Variants in ALOX5 observed in about 807,000 individuals in gnomAD.
The protein encoded by ALOX5 is polyunsaturated fatty acid 5-lipoxygenase.
In ALOX5, 64 loss-of-function variants were observed where a neutral mutation model predicts 87.9. The ratio of observed to expected loss-of-function variants is 0.73; its 90% CI spans 0.60 to 0.90. The LOEUF (loss-of-function observed/expected upper bound fraction) is 0.90, where lower values mean the gene tolerates loss of function less well. ALOX5 is among the 40% of genes least tolerant of loss of function. The pLI is 0.00. For synonymous variants in ALOX5, 388 were observed against 355.1 expected, an observed-to-expected ratio of 1.09 and a Z score of -1.04; for missense variants, 822 against 907.5, an observed-to-expected ratio of 0.91 and a Z score of 1.21.
At chr10:45,391,566 G>T (rs566974766) in intron 2 of ALOX5, among the ~76,000 whole-genome samples, 1 of 151,956 alleles carries the variant, frequency 6.6e-6, no homozygotes, top group Non-Finnish European at 1.5e-5. Flanking sequence ...CGTCTGGGAT[G>T]TAAGGAGCCC....
chr10:45,394,904 A>T (rs1840442143), intron 2 of ALOX5, among the ~76,000 whole-genome samples: 1 of 152,250 alleles, frequency 6.6e-6, no homozygotes, highest in South Asian at 2.1e-4. Flanking sequence ...AACCATAATG[A>T]TATACCATCT....
intron 3 of ALOX5, among the ~76,000 whole-genome samples, chr10:45,409,116 G>A (rs560542958): frequency 2.6e-5 from 4 of 152,190 alleles, no homozygotes; most frequent in Admixed American, 2.0e-4. Flanking sequence ...CACTCACAGT[G>A]GCCAGCTGTT....
chr10:45,389,921 C>G (rs1840151131), intron 2 of ALOX5, among the ~76,000 whole-genome samples: 1 of 152,138 alleles, frequency 6.6e-6, no homozygotes, highest in African/African-American at 2.4e-5. Flanking sequence ...GAGTCAAGAC[C>G]CATCAGTGTG....
chr10:45,431,847 C>T (rs556052611), intron 7 of ALOX5, among the ~76,000 whole-genome samples: 264 of 152,296 alleles, frequency 1.7e-3, no homozygotes, highest in African/African-American at 5.4e-3. Flanking sequence ...GTTGGCATTA[C>T]AGGCGTGAGC....
At position 45,374,248 on chromosome 10, in the gene ALOX5, T is replaced by C; in HGVS notation, c.-32T>C. 1 of 1,452,634 alleles carries C rather than the reference T, an allele frequency of 6.9e-7. No homozygotes were observed. The allele number at this position is 1,452,634 out of a possible 1,614,324, so 90.0% of individuals were successfully genotyped here. Reference sequence around the variant, plus strand: ...GACACCTGGACCGCCGCGCCGAGGCTCCCGGCGCTCGCTGCTCCCGCGGCC... The same window carrying C: ...GACACCTGGACCGCCGCGCCGAGGCCCCCGGCGCTCGCTGCTCCCGCGGCC... On this transcript the variant is annotated 5_prime_UTR_variant, in exon 1 of 14. Coordinates refer to ENST00000374391, the MANE Select transcript of ALOX5 (RefSeq NM_000698.5).
intron 4 of ALOX5, among the ~76,000 whole-genome samples, chr10:45,417,197 G>T (rs1841326826): frequency 6.6e-6 from 1 of 152,036 alleles, no homozygotes; most frequent in Non-Finnish European, 1.5e-5. Flanking sequence ...CTATCCTGTG[G>T]TATAGAAGGT....
chr10:45,444,208 G>A lies in ALOX5; in HGVS notation c.1767G>A (p.Val589=). The change falls in exon 13 of 14, where the codon GTG becomes GTA. Residue 589 remains valine (V), a synonymous_variant. Transcript: ENST00000374391. Reference sequence around the variant, plus strand: ...GCGTGGTGACCATTGAGCAGATCGTGGACACGCTGCCCGACCGCGGCCGCT... The same window carrying A: ...GCGTGGTGACCATTGAGCAGATCGTAGACACGCTGCCCGACCGCGGCCGCT... ...AKGVVTIEQI[V]DTLPDRGRSC... is the part of the protein sequence containing the mutation. 6.4e-7 allele frequency: 1 copy of A among 1,555,792 alleles called. No individual in the cohort carries two copies. The highest frequency in any genetic ancestry group is 8.7e-7 in the Non-Finnish European group (1 of 1,149,678).
At chr10:45,427,810 G>T (rs542561091) in intron 6 of ALOX5, among the ~76,000 whole-genome samples, 1 of 152,116 alleles carries the variant, frequency 6.6e-6, no homozygotes, top group Non-Finnish European at 1.5e-5. Context: ...GCGGCCGCCC[G>T]CCTCCCACTT....
At chr10:45,418,851 GA>G (rs1336348933) in intron 4 of ALOX5, among the ~76,000 whole-genome samples, 4 of 152,358 alleles carry the variant, frequency 2.6e-5, no homozygotes, top group African/African-American at 9.6e-5. Context: ...TGGCAGGGCT[GA>G]AAAGACAATG....
rs771947539 is a variant in ALOX5, at chr10:45,445,710, G to A, written c.*23G>A. Reference sequence around the variant, plus strand: ...TGAGCACACTGCCAGTCTCACTGTGGGAAGGCCAGCTGCCCCAGCCAGATG... The same window carrying A: ...TGAGCACACTGCCAGTCTCACTGTGAGAAGGCCAGCTGCCCCAGCCAGATG... On this transcript the variant is annotated 3_prime_UTR_variant, in exon 14 of 14. Transcript: ENST00000374391. 1 of 1,594,294 alleles carries A rather than the reference G, an allele frequency of 6.3e-7. No homozygotes were observed. The highest frequency in any genetic ancestry group is 8.6e-7 in the Non-Finnish European group (1 of 1,164,940).
At chr10:45,382,892 C>T (rs1414268656) in intron 2 of ALOX5, among the ~76,000 whole-genome samples, 2 of 152,242 alleles carry the variant, frequency 1.3e-5, no homozygotes, top group Non-Finnish European at 2.9e-5. Context: ...GGCCCCAGGC[C>T]TCACTGTCGT....
intron 4 of ALOX5, among the ~76,000 whole-genome samples, chr10:45,418,022 G>T (rs1457436920): frequency 6.6e-6 from 1 of 152,226 alleles, no homozygotes; most frequent in African/African-American, 2.4e-5. Flanking sequence ...CCCCTTGAGT[G>T]ATGGCCTATT....
chr10:45,374,757 T>C (rs1019239969), intron 1 of ALOX5, among the ~76,000 whole-genome samples: 3 of 152,190 alleles, frequency 2.0e-5, no homozygotes, highest in African/African-American at 4.8e-5. Flanking sequence ...CTTCAAGATC[T>C]GGGCTCCGAG....
At chr10:45,428,403 C>T in intron 6 of ALOX5, 1 of 581,962 alleles carries the variant, frequency 1.7e-6, no homozygotes, top group Non-Finnish European at 3.0e-6. Context: ...TGAGCTGCTG[C>T]CATTCCTTCA....
intron 2 of ALOX5, among the ~76,000 whole-genome samples, chr10:45,391,124 G>T (rs1263528093): frequency 1.1e-4 from 12 of 111,320 alleles, no homozygotes; most frequent in South Asian, 3.0e-4. Context: ...CTCTTTCCAC[G>T]GTCTCCCTCT....
chr10:45,420,965 G>C (rs906936634), intron 4 of ALOX5, among the ~76,000 whole-genome samples: 3 of 152,224 alleles, frequency 2.0e-5, no homozygotes, highest in African/African-American at 7.2e-5. Context: ...GCCAACAGCT[G>C]GTGCCCAGCC....
intron 2 of ALOX5, among the ~76,000 whole-genome samples, chr10:45,390,108 T>C (rs1262548519): frequency 2.0e-5 from 3 of 152,232 alleles, no homozygotes; most frequent in Admixed American, 2.0e-4. Flanking sequence ...CATTACATAA[T>C]GGTAAAGGGA....
intron 6 of ALOX5, among the ~76,000 whole-genome samples, chr10:45,426,617 G>A (rs970714799): frequency 1.3e-5 from 2 of 152,192 alleles, no homozygotes; most frequent in African/African-American, 2.4e-5. Context: ...TCAAGTTTGA[G>A]TTCTTAGACT....
intron 2 of ALOX5, among the ~76,000 whole-genome samples, chr10:45,383,601 C>T (rs1051396882): frequency 6.6e-6 from 1 of 152,174 alleles, no homozygotes; most frequent in Non-Finnish European, 1.5e-5. Flanking sequence ...GTGTTCTTCA[C>T]GAAGTTTGGT....
Sources: gnomAD v4.1 joint callset for allele counts (sites outside exome capture counted in the v4.1 genomes callset) on GRCh38, gnomAD v4.1.1 for gene constraint, MANE v1.5 for transcripts, NCBI Gene and HGNC (gene_info 2026-07-23, HGNC 2026-07-21) for gene names.